Variants in OPA3 observed in about 807,000 individuals in gnomAD.
The protein encoded by OPA3 is optic atrophy 3 protein.
A neutral mutation model predicts 4.0 loss-of-function variants in OPA3; 6 were observed. The observed-to-expected ratio is 1.51, with a 90% CI of 0.83 to 2.99. OPA3 has a LOEUF of 2.99. OPA3 is among the 30% of genes most tolerant of loss of function. The pLI is 0.00. For missense variants in OPA3, 235 were observed against 256.2 expected (o/e 0.92, Z 0.56); for synonymous variants, 105 against 117.1 (o/e 0.90, Z 0.67).
In OPA3 at chr19:45,553,923, G is replaced by A. The variant is rs529036845; in HGVS notation, c.143-12C>T. On this transcript the variant is annotated splice_polypyrimidine_tract_variant and intron_variant, in intron 1 of 1. Coordinates refer to ENST00000263275, the MANE Select transcript of OPA3 (RefSeq NM_025136.4). ...CACCCAGTGATACACTGCGGGGGAA[G>A]AGAGGGGTCAGGCTGCGCTCTGGGA... is the stretch of plus-strand genomic sequence containing the variant. 4 of 1,598,430 alleles carry A rather than the reference G, an allele frequency of 2.5e-6. No individual in the cohort carries two copies. The highest frequency in any genetic ancestry group is 3.4e-5 in the Admixed American group (2 of 59,474).
intron 1 of OPA3, among the ~76,000 whole-genome samples, chr19:45,573,780 C>T (rs1476274426): frequency 6.6e-6 from 1 of 152,152 alleles, no homozygotes; most frequent in Non-Finnish European, 1.5e-5. Flanking sequence ...TCATGCAGGA[C>T]ACACACCACG....
chr19:45,556,621 G>C (rs10404913), intron 1 of OPA3, among the ~76,000 whole-genome samples: 2,374 of 152,278 alleles, frequency 0.016, 46 homozygotes, highest in African/African-American at 0.053. Context: ...GCCTCCCAAA[G>C]TACTGGGACG....
intron 1 of OPA3, among the ~76,000 whole-genome samples, chr19:45,556,756 G>A (rs913066307): frequency 1.8e-4 from 28 of 152,172 alleles, no homozygotes; most frequent in African/African-American, 6.3e-4. Flanking sequence ...CTTAGGGCCC[G>A]AGAAGTCACT....
Position 45,556,037 on chromosome 19 carries a change from C to T in OPA3, c.143-2126G>A, listed in dbSNP as rs972995035. On this transcript the variant is annotated intron_variant, in intron 1 of 1. Transcript: ENST00000263275. Reference sequence around the variant, plus strand: ...GGATGCACCAGCTGTTTGAACATGTCAGTATCATAACACACCAGAACCAGA... The same window carrying T: ...GGATGCACCAGCTGTTTGAACATGTTAGTATCATAACACACCAGAACCAGA... 3.3e-5 allele frequency among the ~76,000 whole-genome samples: 5 copies of T among 152,304 alleles called. No homozygotes were observed. The East Asian group carries it at 7.7e-4, about 23-fold the overall frequency.
rs771575785 is a variant in OPA3, at chr19:45,584,610, G to C, written c.142+13C>G. On this transcript the variant is annotated intron_variant, in intron 1 of 1. Transcript: ENST00000263275. Reference sequence around the variant, plus strand: ...AAAGGAAAAAGGTTGGAGGGAATTCGGGTCAGACTCACGTTGAGCCGGCGG... The same window carrying C: ...AAAGGAAAAAGGTTGGAGGGAATTCCGGTCAGACTCACGTTGAGCCGGCGG... The C allele has an allele frequency of 6.2e-7, 1 of 1,614,168 alleles. No individual in the cohort carries two copies.
At chr19:45,577,854 A>G (rs187034895) in intron 1 of OPA3, among the ~76,000 whole-genome samples, 28 of 152,262 alleles carry the variant, frequency 1.8e-4, no homozygotes, top group African/African-American at 5.5e-4. Flanking sequence ...CACACTATCA[A>G]TCAGAGGACT....
At chr19:45,529,194 C>A in exon 2 of OPA3, 2 of 1,611,320 alleles carry the variant, frequency 1.2e-6, no homozygotes, top group Non-Finnish European at 1.7e-6. Flanking sequence ...GCGCCTGCAA[C>A]TCCTCGAGCG....
Position 45,581,419 on chromosome 19 carries a change from A to T in OPA3, c.142+3204T>A, listed in dbSNP as rs80086201. ...GTGTTGTCCTCACCCTTCAGGTCCC[A>T]ATTCAGATGTCTCCTCTGCCAGGAA... On this transcript the variant is annotated intron_variant, in intron 1 of 1. Transcript: ENST00000263275. 8.2e-3 allele frequency among the ~76,000 whole-genome samples: 1,241 copies of T among 152,212 alleles called. 16 individuals are homozygous for T. Among genetic ancestry groups the T allele is most frequent in the African/African-American group, 0.028 (1,179 of 41,534 alleles).
intron 1 of OPA3, chr19:45,584,288 T>TC: frequency 1.0e-6 from 1 of 964,460 alleles, no homozygotes. Flanking sequence ...CCTCAGCCCC[T>TC]CCCCTAGCTC....
intron 1 of OPA3, among the ~76,000 whole-genome samples, chr19:45,538,392 TCCTGG>T: frequency 6.6e-6 from 1 of 151,894 alleles, no homozygotes; most frequent in South Asian, 2.1e-4. Context: ...CTGCACTACA[TCCTGG>T]GCAAAAGAGT....
At chr19:45,564,202 A>G (rs1290311198) in intron 1 of OPA3, among the ~76,000 whole-genome samples, 1 of 151,770 alleles carries the variant, frequency 6.6e-6, no homozygotes, top group Non-Finnish European at 1.5e-5. Flanking sequence ...GACTAGGCGG[A>G]AGGGGAGGGA....
chr19:45,584,434 T>C (rs1969901594), intron 1 of OPA3, 189 bp downstream of exon 1: 2 of 943,442 alleles, frequency 2.1e-6, no homozygotes, highest in African/African-American at 3.6e-5. Flanking sequence ...GACCCGCCCC[T>C]TACGCCCCGC....
At chr19:45,582,981 C>A (rs1169957521) in intron 1 of OPA3, among the ~76,000 whole-genome samples, 2 of 152,126 alleles carry the variant, frequency 1.3e-5, no homozygotes, top group Non-Finnish European at 2.9e-5. Context: ...TCAGCCTTTG[C>A]CCAGGAATGA....
At chr19:45,565,413 T>C (rs1407429862) in intron 1 of OPA3, among the ~76,000 whole-genome samples, 1 of 151,662 alleles carries the variant, frequency 6.6e-6, no homozygotes, top group Non-Finnish European at 1.5e-5. Flanking sequence ...GTGGATCACC[T>C]GAGGTCAGGA....
In OPA3 at chr19:45,554,598, C is replaced by G. The variant is rs1400224383; in HGVS notation, c.143-687G>C. 2.6e-5 allele frequency among the ~76,000 whole-genome samples: 4 copies of G among 152,170 alleles called. No individual in the cohort carries two copies. In the East Asian group the frequency reaches 7.7e-4, roughly 29 times the overall value. ...CTTCTTTATGAAGGAAGGTTCTCAG[C>G]ACTTGAGTCTTTAAAACCAATGCAG... is the stretch of plus-strand genomic sequence containing the variant. On this transcript the variant is annotated intron_variant, in intron 1 of 1. Coordinates refer to ENST00000263275, the MANE Select transcript of OPA3 (RefSeq NM_025136.4).
At chr19:45,555,556 T>C (rs1414450746) in intron 1 of OPA3, among the ~76,000 whole-genome samples, 2 of 151,986 alleles carry the variant, frequency 1.3e-5, no homozygotes, top group South Asian at 2.1e-4. Context: ...AGTGGCGCGA[T>C]CTCGGCTCAC....
intron 1 of OPA3, among the ~76,000 whole-genome samples, chr19:45,580,300 T>G (rs1282757517): frequency 6.7e-6 from 1 of 149,358 alleles, no homozygotes. Flanking sequence ...GGCCTTTTTT[T>G]TTTTTTTTTT....
At chr19:45,571,784 C>T (rs1969670277) in intron 1 of OPA3, among the ~76,000 whole-genome samples, 1 of 152,136 alleles carries the variant, frequency 6.6e-6, no homozygotes, top group African/African-American at 2.4e-5. Flanking sequence ...ACTAGTTTTC[C>T]TCCATATTGT....
At chr19:45,576,058 C>T (rs1365786534) in intron 1 of OPA3, among the ~76,000 whole-genome samples, 1 of 150,044 alleles carries the variant, frequency 6.7e-6, no homozygotes. Context: ...CATGGTGAAA[C>T]CCCCGTCTCT....
Sources: allele counts gnomAD v4.1 joint callset (sites outside exome capture counted in the v4.1 genomes callset), GRCh38; gene constraint gnomAD v4.1.1; transcripts MANE v1.5; gene names NCBI Gene and HGNC (gene_info 2026-07-23, HGNC 2026-07-21).